Variants in BLK observed in about 807,000 individuals in gnomAD.
BLK encodes the protein BLK proto-oncogene, Src family tyrosine kinase, also known as tyrosine-protein kinase Blk.
Under a neutral mutation model 61.8 loss-of-function variants are expected in BLK, and 64 were observed. The observed-to-expected ratio is 1.03, with a 90% confidence interval of 0.85 to 1.27. The LOEUF (loss-of-function observed/expected upper bound fraction) is 1.27, where lower values mean the gene tolerates loss of function less well. BLK is among the 50% of genes most tolerant of loss of function. The probability of loss-of-function intolerance (pLI) is 0.00; values close to 1 mark genes in which losing one functional copy is unlikely to be tolerated. For synonymous variants in BLK, 351 were observed against 272.0 expected (o/e 1.29, Z -2.86); for missense variants, 853 against 660.5 (o/e 1.29, Z -3.19).
At chr8:11,502,431 T>C (rs1310759160) in intron 1 of BLK, among the ~76,000 whole-genome samples, 2 of 151,944 alleles carry the variant, frequency 1.3e-5, no homozygotes, top group Admixed American at 6.6e-5. Flanking sequence ...ATCCTCCCAA[T>C]TAGCTGGGAT....
chr8:11,515,765 C>T (rs1235067405), intron 1 of BLK, among the ~76,000 whole-genome samples: 1 of 152,170 alleles, frequency 6.6e-6, no homozygotes, highest in Non-Finnish European at 1.5e-5. Flanking sequence ...CGGGGATGGC[C>T]CAGAACAGCT....
At chr8:11,515,221 T>A (rs1171749262) in intron 1 of BLK, among the ~76,000 whole-genome samples, 1 of 152,166 alleles carries the variant, frequency 6.6e-6, no homozygotes, top group Non-Finnish European at 1.5e-5. Context: ...AGAAGGAAGA[T>A]GGGTCCTGGA....
At chr8:11,517,905 A>G (rs773216094) in intron 1 of BLK, among the ~76,000 whole-genome samples, 30 of 152,094 alleles carry the variant, frequency 2.0e-4, no homozygotes, top group Non-Finnish European at 4.0e-4. Context: ...AGAGAAATGC[A>G]TTTTCCCATA....
At chr8:11,561,533 G>A in intron 11 of BLK, 81 bp downstream of exon 11, 1 of 1,544,128 alleles carries the variant, frequency 6.5e-7, no homozygotes, top group Non-Finnish European at 8.8e-7. Context: ...ACTTCTCCCA[G>A]CACAGCCCTG....
intron 1 of BLK, among the ~76,000 whole-genome samples, chr8:11,517,281 T>A (rs1799265656): frequency 6.6e-6 from 1 of 152,158 alleles, no homozygotes; most frequent in African/African-American, 2.4e-5. Context: ...GCATGTGGAT[T>A]TGTATGTGCA....
chr8:11,503,671 G>A (rs1400641545), intron 1 of BLK, among the ~76,000 whole-genome samples: 1 of 152,188 alleles, frequency 6.6e-6, no homozygotes, highest in East Asian at 1.9e-4. Flanking sequence ...TCTGAGGGCT[G>A]AGACTTGCAA....
At chr8:11,558,888 A>ACCTCGCC (rs1801353185) in intron 10 of BLK, 7 of 449,942 alleles carry the variant, frequency 1.6e-5, no homozygotes, top group African/African-American at 4.2e-5. Context: ...CAGCCCTCCC[A>ACCTCGCC]CCTCGCCCCT....
At chr8:11,537,245 A>G (rs1800171059) in intron 1 of BLK, among the ~76,000 whole-genome samples, 1 of 152,168 alleles carries the variant, frequency 6.6e-6, no homozygotes, top group African/African-American at 2.4e-5. Context: ...CAAGATGAGT[A>G]TAGCATTGGT....
intron 1 of BLK, among the ~76,000 whole-genome samples, chr8:11,511,137 C>A (rs1019854731): frequency 3.9e-5 from 6 of 152,180 alleles, no homozygotes; most frequent in Admixed American, 1.3e-4. Flanking sequence ...GCCAAAGAAA[C>A]CTTGAAATTC....
intron 1 of BLK, among the ~76,000 whole-genome samples, chr8:11,505,479 C>A (rs117313882): frequency 9.9e-5 from 15 of 152,150 alleles, no homozygotes. Context: ...AGCCTCTGGC[C>A]GGTGTCCCTG....
Position 11,494,549 on chromosome 8 carries a change from G to GCT in BLK, c.-44_-43insCT, listed in dbSNP as rs1798294102. On this transcript the variant is annotated 5_prime_UTR_variant, in exon 1 of 13. The change abolishes the stop of an existing upstream ORF in the 5' untranslated region. Coordinates refer to ENST00000259089, the MANE Select transcript of BLK (RefSeq NM_001715.3). Reference sequence around the variant, plus strand: ...GCCTGCTCCACTGTAAGGGTGTCAGGATCTGAAGAGCTATGGTGAAACACC... The same window carrying GCT: ...GCCTGCTCCACTGTAAGGGTGTCAGGCTATCTGAAGAGCTATGGTGAAACACC... 6.6e-6 allele frequency: 1 copy of GCT among 152,270 alleles called. No individual in the cohort carries two copies. The highest frequency in any genetic ancestry group is 2.1e-4 in the South Asian group (1 of 4,824). 9.4% of individuals were successfully genotyped at this position (152,270 alleles called of 1,614,324 possible). A position where few individuals can be genotyped will look rare whatever the true frequency, so the allele number is the denominator to read the frequency against.
At chr8:11,545,908 T>C in intron 2 of BLK, 144 bp from the exon 3 acceptor site, 1 of 868,856 alleles carries the variant, frequency 1.2e-6, no homozygotes, top group Non-Finnish European at 2.0e-6. Context: ...AGAATGTCCC[T>C]GAGCAGCCCC....
At chr8:11,530,346 A>G (rs958835807) in intron 1 of BLK, among the ~76,000 whole-genome samples, 1 of 152,212 alleles carries the variant, frequency 6.6e-6, no homozygotes, top group Non-Finnish European at 1.5e-5. Context: ...TTTATTTGCC[A>G]CAGGTCGGGA....
chr8:11,497,809 C>T (rs1351304472), intron 1 of BLK, among the ~76,000 whole-genome samples: 2 of 152,222 alleles, frequency 1.3e-5, no homozygotes, highest in African/African-American at 2.4e-5. Context: ...GCATCTGAGG[C>T]CTCTGGCACA....
chr8:11,554,488 G>A (rs1801092223), intron 6 of BLK, among the ~76,000 whole-genome samples: 1 of 152,146 alleles, frequency 6.6e-6, no homozygotes, highest in Non-Finnish European at 1.5e-5. Context: ...CCTGCCGCAG[G>A]GCTCTGTGAT....
chr8:11,495,437 A>T (rs1173364401), intron 1 of BLK, among the ~76,000 whole-genome samples: 1 of 152,332 alleles, frequency 6.6e-6, no homozygotes, highest in East Asian at 1.9e-4. Flanking sequence ...GTAGCTCTGT[A>T]GAGGAGAAAC....
At chr8:11,530,832 A>C (rs902876231) in intron 1 of BLK, among the ~76,000 whole-genome samples, 10 of 152,232 alleles carry the variant, frequency 6.6e-5, no homozygotes, top group Non-Finnish European at 1.3e-4. Context: ...AAGAACATAT[A>C]TGTCAAGTCT....
At chr8:11,544,910 AAGAG>A (rs1314499465) in intron 2 of BLK, among the ~76,000 whole-genome samples, 1 of 152,212 alleles carries the variant, frequency 6.6e-6, no homozygotes, top group East Asian at 1.9e-4. Flanking sequence ...TCAGACAAGA[AAGAG>A]ACTCGTTCCT....
intron 4 of BLK, 31 bp from the exon 5 acceptor site, chr8:11,548,993 A>T: frequency 6.4e-7 from 1 of 1,574,470 alleles, no homozygotes; most frequent in South Asian, 1.2e-5. Context: ...AGGGGCCATG[A>T]TCTCATCTCT....
Sources: allele counts gnomAD v4.1 joint callset (sites outside exome capture counted in the v4.1 genomes callset), GRCh38; gene constraint gnomAD v4.1.1; transcripts MANE v1.5; gene names NCBI Gene and HGNC (gene_info 2026-07-23, HGNC 2026-07-21).